Variants in PLB1 observed in about 807,000 individuals in gnomAD.
PLB1 encodes the protein phospholipase B1, membrane-associated.
PLB1 carries 242 observed loss-of-function variants against 227.4 expected under a neutral mutation model. The observed-to-expected ratio is 1.06, with a 90% CI of 0.96 to 1.18. The LOEUF (loss-of-function observed/expected upper bound fraction) is 1.18. Among genes scored for constraint, PLB1 ranks in the 50% most tolerant of loss-of-function variants. PLB1 has a pLI of 0.00. For synonymous variants in PLB1, 757 were observed against 682.2 expected (o/e 1.11, Z -1.71); for missense variants, 1,858 against 1,816.3 (o/e 1.02, Z -0.42).
At chr2:28,536,128 C>G (rs1298317495) in intron 9 of PLB1, among the ~76,000 whole-genome samples, 1 of 152,196 alleles carries the variant, frequency 6.6e-6, no homozygotes, top group Non-Finnish European at 1.5e-5. Context: ...AACTTAGGAC[C>G]TGAATTCTCT....
At position 28,519,767 on chromosome 2, in the gene PLB1, A is replaced by G. The variant is rs1250246785; in HGVS notation, c.243+4A>G. 1 of 1,606,924 alleles carries G rather than the reference A, an allele frequency of 6.2e-7. No homozygotes were observed. Among genetic ancestry groups the G allele is most frequent in the East Asian group, 2.2e-5 (1 of 44,834 alleles). On this transcript the variant is annotated splice_donor_region_variant and intron_variant, in intron 4 of 57. Transcript: ENST00000327757. The stretch of plus-strand genomic sequence containing the variant: ...AGCCATTGGCAATCTGGAAATTGTG[A>G]GTATTTGAAGTAGCTTGGGGCAGGA...
In PLB1 at chr2:28,592,730, T is replaced by C. The variant is rs755343824; in HGVS notation, c.2247+11T>C. On this transcript the variant is annotated intron_variant, in intron 32 of 57. Transcript: ENST00000327757. ...GGGGATTCTCTGACCGTAAGGACTC[T>C]TGGGCCCCAGGTGGTTTGGGGATAA... 5 of 1,613,760 alleles carry C rather than the reference T, an allele frequency of 3.1e-6. No homozygotes were observed. Among genetic ancestry groups the C allele is most frequent in the South Asian group, 1.1e-5 (1 of 91,062 alleles).
rs1686369148 is a variant in PLB1, at chr2:28,617,592, T to G, written c.3196-135T>G. On this transcript the variant is annotated intron_variant, in intron 44 of 57. Transcript: ENST00000327757. ...TAGCCCACCTATAACTCACAGTTCT[T>G]TCCCTCACATGATCCTGTATGGTGA... is the stretch of plus-strand genomic sequence containing the variant. 2.3e-5 allele frequency: 19 copies of G among 825,320 alleles called. No homozygotes were observed. The South Asian group carries it at 2.5e-4, about 11-fold the overall frequency. 51.1% of individuals were successfully genotyped at this position (825,320 alleles called of 1,614,324 possible). A position where few individuals can be genotyped will look rare whatever the true frequency, so the allele number is the denominator to read the frequency against.
At chr2:28,587,933 A>C (rs1321909528) in intron 26 of PLB1, among the ~76,000 whole-genome samples, 1 of 152,136 alleles carries the variant, frequency 6.6e-6, no homozygotes, top group African/African-American at 2.4e-5. Context: ...AAGATTGATC[A>C]ACATCGCCCT....
At chr2:28,515,928 G>T (rs1380252513) in intron 1 of PLB1, among the ~76,000 whole-genome samples, 8 of 152,190 alleles carry the variant, frequency 5.3e-5, no homozygotes, top group African/African-American at 1.9e-4. Context: ...AAGGAAGTTT[G>T]CAGGATACAA....
chr2:28,552,907 T>G (rs751628379), intron 16 of PLB1, 21 bp from the exon 17 acceptor site: 2 of 1,611,162 alleles, frequency 1.2e-6, no homozygotes, highest in Non-Finnish European at 1.7e-6. Flanking sequence ...TTTCCTTATT[T>G]CCCTGTGTGT....
chr2:28,581,481 GCAAAAAAA>G (rs1393586976), intron 23 of PLB1, among the ~76,000 whole-genome samples: 42 of 77,760 alleles, frequency 5.4e-4, no homozygotes, highest in African/African-American at 2.8e-3. Context: ...AGAGCTCCAC[GCAAAAAAA>G]TAAATAAATA....
chr2:28,601,256 T>C lies in PLB1; in HGVS notation c.2531T>C (p.Val844Ala). ...LMQKMKDDHRVNFHEDWKVIT... is the reference protein window; with the variant it reads ...LMQKMKDDHRANFHEDWKVIT... ...CATTTTCCTCCCTCCATATAGAGAG[T>C]AAATTTCCATGAAGACTGGAAGGTC... The change falls in exon 37 of 58, where the codon GTA becomes GCA. Residue 844 changes from valine (V) to alanine (A), a missense_variant. Physicochemically the swap from Val to Ala is moderately conservative, Grantham distance 64. Coordinates refer to ENST00000327757, the MANE Select transcript of PLB1 (RefSeq NM_153021.5). 1 of 1,612,490 alleles carries C rather than the reference T, an allele frequency of 6.2e-7. No individual in the cohort carries two copies. The highest frequency in any genetic ancestry group is 8.5e-7 in the Non-Finnish European group (1 of 1,178,576).
rs537768791 is a variant in PLB1, at chr2:28,638,092, A to T, written c.4099-2835A>T. On this transcript the variant is annotated intron_variant, in intron 56 of 57. Coordinates refer to ENST00000327757, the MANE Select transcript of PLB1 (RefSeq NM_153021.5). ...CTAGGTACTGCTCCAGGTGCTGAGG[A>T]CTCAGCAGTGAAAAGATGACTGCTA... Among the ~76,000 whole-genome samples the T allele has an allele frequency of 1.1e-4, 16 of 152,112 alleles. No homozygotes were observed. In the South Asian group the frequency reaches 3.3e-3, roughly 32 times the overall value.
chr2:28,599,949 C>A (rs112358215), intron 35 of PLB1, among the ~76,000 whole-genome samples: 7,257 of 152,052 alleles, frequency 0.048, 559 homozygotes, highest in African/African-American at 0.16. Flanking sequence ...CACTCTGTCA[C>A]CTAGGCTGAG....
chr2:28,532,982 G>A (rs1207809260), intron 9 of PLB1, among the ~76,000 whole-genome samples: 3 of 152,100 alleles, frequency 2.0e-5, no homozygotes, highest in Non-Finnish European at 2.9e-5. Context: ...GAAATAAATG[G>A]CACCTGGACT....
At position 28,598,896 on chromosome 2, in the gene PLB1, T is replaced by G; in HGVS notation, c.2474+136T>G. ...GTGAGGCTCAGGCTGCCCTCTTCCC[T>G]GCTGCCCCTGTGACGAAGGTTGTAA... On this transcript the variant is annotated intron_variant, in intron 35 of 57. Coordinates refer to ENST00000327757, the MANE Select transcript of PLB1 (RefSeq NM_153021.5). 8.2e-6 allele frequency: 6 copies of G among 728,790 alleles called. No homozygotes were observed. The South Asian group carries it at 9.5e-5, about 12-fold the overall frequency. 45.1% of individuals were successfully genotyped at this position (728,790 alleles called of 1,614,324 possible).
chr2:28,507,962 G>C (rs1469887476), intron 1 of PLB1, among the ~76,000 whole-genome samples: 1 of 152,150 alleles, frequency 6.6e-6, no homozygotes, highest in Non-Finnish European at 1.5e-5. Context: ...TGACATTGTT[G>C]ATCCTAAATC....
intron 49 of PLB1, among the ~76,000 whole-genome samples, 197 bp downstream of exon 49, chr2:28,621,175 A>G (rs1328075330): frequency 1.3e-5 from 2 of 152,168 alleles, no homozygotes; most frequent in Non-Finnish European, 2.9e-5. Context: ...GCTTTCCAGA[A>G]CCACCAAGAT....
chr2:28,630,692 A>G, intron 54 of PLB1, 28 bp downstream of exon 54: 29 of 1,589,032 alleles, frequency 1.8e-5, no homozygotes, highest in Non-Finnish European at 2.5e-5. Context: ...TCTCTTACTG[A>G]CCCAGCTGGG....
At chr2:28,578,996 A>G (rs1170240561) in intron 22 of PLB1, among the ~76,000 whole-genome samples, 1 of 152,022 alleles carries the variant, frequency 6.6e-6, no homozygotes, top group Non-Finnish European at 1.5e-5. Flanking sequence ...GTATGGCTGC[A>G]CCCTCTCCAC....
chr2:28,545,256 AGTG>A (rs1558719725), intron 14 of PLB1, among the ~76,000 whole-genome samples: 2 of 151,744 alleles, frequency 1.3e-5, no homozygotes, highest in African/African-American at 2.4e-5. Flanking sequence ...TCCCAGTGCC[AGTG>A]CAAACCCCAA....
chr2:28,558,242 T>C (rs529865706), intron 17 of PLB1, among the ~76,000 whole-genome samples: 1 of 152,132 alleles, frequency 6.6e-6, no homozygotes, highest in Non-Finnish European at 1.5e-5. Flanking sequence ...CAGCTGCCTC[T>C]TTAGCAAACT....
chr2:28,563,773 T>C (rs11679308), intron 18 of PLB1, among the ~76,000 whole-genome samples: 100,327 of 151,954 alleles, frequency 0.66, 34,224 homozygotes, highest in Non-Finnish European at 0.75. Context: ...CAACAGCCTC[T>C]CATCAGAGTC....
Sources: allele counts gnomAD v4.1 joint callset (sites outside exome capture counted in the v4.1 genomes callset), GRCh38; gene constraint gnomAD v4.1.1; transcripts MANE v1.5; gene names NCBI Gene and HGNC (gene_info 2026-07-23, HGNC 2026-07-21).